RHOBTB1: variants seen among roughly 807,000 people sequenced by gnomAD.
RHOBTB1 encodes the protein rho-related BTB domain-containing protein 1.
Under a neutral mutation model 71.6 loss-of-function variants are expected in RHOBTB1, and 40 were observed. That is an observed-to-expected ratio of 0.56 (90% CI 0.43 to 0.73). RHOBTB1 has a LOEUF of 0.73. Among genes scored for constraint, RHOBTB1 ranks in the 30% least tolerant of loss-of-function variants. The pLI is 0.00. For synonymous variants in RHOBTB1, 319 were observed against 334.9 expected (o/e 0.95, Z 0.52); for missense variants, 797 against 894.0 (o/e 0.89, Z 1.38).
intron 2 of RHOBTB1, among the ~76,000 whole-genome samples, chr10:60,938,024 A>G (rs2084689109): frequency 6.6e-6 from 1 of 152,216 alleles, no homozygotes; most frequent in South Asian, 2.1e-4. Context: ...AGTTAATGAA[A>G]TGCCAGAGTT....
chr10:60,924,245 A>G (rs2083733620), intron 2 of RHOBTB1, among the ~76,000 whole-genome samples: 1 of 135,222 alleles, frequency 7.4e-6, no homozygotes, highest in African/African-American at 3.3e-5. Flanking sequence ...GAATGACTAT[A>G]AATTTCACCA....
intron 8 of RHOBTB1, among the ~76,000 whole-genome samples, chr10:60,876,223 A>G (rs1269224229): frequency 6.6e-6 from 1 of 152,206 alleles, no homozygotes; most frequent in Non-Finnish European, 1.5e-5. Flanking sequence ...TGATTTTTAA[A>G]CACCATGTTC....
chr10:60,981,195 C>T (rs1374861954), intron 2 of RHOBTB1, among the ~76,000 whole-genome samples: 1 of 152,086 alleles, frequency 6.6e-6, no homozygotes, highest in Non-Finnish European at 1.5e-5. Context: ...AAGTACTTAA[C>T]ATCATAGTTA....
At chr10:60,919,256 TAC>T (rs2083429848) in intron 2 of RHOBTB1, among the ~76,000 whole-genome samples, 1 of 152,184 alleles carries the variant, frequency 6.6e-6, no homozygotes, top group African/African-American at 2.4e-5. Context: ...CATTAAAAAA[TAC>T]TAGTGCAACA....
At chr10:60,900,944 T>A (rs1425513307) in intron 4 of RHOBTB1, among the ~76,000 whole-genome samples, 1 of 152,172 alleles carries the variant, frequency 6.6e-6, no homozygotes, top group Non-Finnish European at 1.5e-5. Flanking sequence ...AACATCAGAA[T>A]AATAATGCAT....
intron 1 of RHOBTB1, among the ~76,000 whole-genome samples, chr10:60,942,913 C>T (rs1381261303): frequency 6.6e-6 from 1 of 151,310 alleles, no homozygotes; most frequent in Non-Finnish European, 1.5e-5. Context: ...ACCACCGCAG[C>T]GGTTGGGGGT....
intron 2 of RHOBTB1, among the ~76,000 whole-genome samples, chr10:60,968,416 A>G (rs2086045230): frequency 6.6e-6 from 1 of 152,130 alleles, no homozygotes; most frequent in African/African-American, 2.4e-5. Context: ...GAGCACCAAA[A>G]TAACAAGTTT....
At chr10:60,997,026 G>C (rs997164223) in intron 1 of RHOBTB1, among the ~76,000 whole-genome samples, 11 of 150,736 alleles carry the variant, frequency 7.3e-5, no homozygotes, top group African/African-American at 9.8e-5. Context: ...TGCTTGATTT[G>C]AGCCAATATC....
chr10:60,985,275 G>A (rs896452890), intron 2 of RHOBTB1, among the ~76,000 whole-genome samples: 2 of 152,118 alleles, frequency 1.3e-5, no homozygotes, highest in Non-Finnish European at 2.9e-5. Context: ...CGTTTTTTAG[G>A]CACAATACTC....
intron 7 of RHOBTB1, among the ~76,000 whole-genome samples, chr10:60,884,552 C>CT: frequency 6.6e-6 from 1 of 152,292 alleles, no homozygotes; most frequent in South Asian, 2.1e-4. Flanking sequence ...AACTGTAGCA[C>CT]TATTCACAAT....
chr10:60,998,206 T>A (rs1470258678), intron 1 of RHOBTB1, among the ~76,000 whole-genome samples: 1 of 152,218 alleles, frequency 6.6e-6, no homozygotes, highest in Non-Finnish European at 1.5e-5. Flanking sequence ...TCTCTAACAC[T>A]ATAAGATCAA....
At chr10:61,001,748 G>A (rs2135087666), upstream of RHOBTB1, among the ~76,000 whole-genome samples, 1 of 152,320 alleles carries the variant, frequency 6.6e-6, no homozygotes, top group Non-Finnish European at 1.5e-5. Flanking sequence ...GGCGCGTGGG[G>A]CTCCTACTGG....
At chr10:60,906,349 A>C (rs1468506057) in intron 4 of RHOBTB1, among the ~76,000 whole-genome samples, 1 of 152,236 alleles carries the variant, frequency 6.6e-6, no homozygotes, top group East Asian at 1.9e-4. Flanking sequence ...TAAAGAATTT[A>C]AGAGGAACAC....
chr10:60,992,436 T>C (rs945532941), intron 1 of RHOBTB1, among the ~76,000 whole-genome samples: 1 of 152,190 alleles, frequency 6.6e-6, no homozygotes, highest in African/African-American at 2.4e-5. Flanking sequence ...ACAGACATGC[T>C]GGAGGGGACA....
At chr10:60,994,642 T>A (rs1035393703) in intron 1 of RHOBTB1, among the ~76,000 whole-genome samples, 2 of 152,168 alleles carry the variant, frequency 1.3e-5, no homozygotes, top group African/African-American at 4.8e-5. Flanking sequence ...AAAAATGCAA[T>A]GCATTTTATT....
intron 2 of RHOBTB1, among the ~76,000 whole-genome samples, chr10:60,932,446 C>A (rs1243732080): frequency 4.3e-5 from 6 of 140,382 alleles, no homozygotes; most frequent in African/African-American, 1.6e-4. Flanking sequence ...TGCAAAAAGT[C>A]ATCAAGCTGT....
chr10:60,914,349 G>A (rs1179928437), intron 2 of RHOBTB1, among the ~76,000 whole-genome samples: 1 of 152,144 alleles, frequency 6.6e-6, no homozygotes, highest in African/African-American at 2.4e-5. Context: ...TTAGCATGGG[G>A]TAGTAGCCTG....
chr10:60,979,180 A>G (rs2086413109), intron 2 of RHOBTB1, among the ~76,000 whole-genome samples: 1 of 152,088 alleles, frequency 6.6e-6, no homozygotes, highest in Non-Finnish European at 1.5e-5. Flanking sequence ...TTGTTTTTTT[A>G]TTTAATTGCT....
intron 2 of RHOBTB1, among the ~76,000 whole-genome samples, chr10:60,922,206 A>G (rs2083605655): frequency 6.6e-6 from 1 of 152,166 alleles, no homozygotes; most frequent in African/African-American, 2.4e-5. Context: ...AAGAAAGGAA[A>G]AAAGGGAGGC....
Sources: allele counts gnomAD v4.1 joint callset (sites outside exome capture counted in the v4.1 genomes callset), GRCh38; gene constraint gnomAD v4.1.1; transcripts MANE v1.5; gene names NCBI Gene and HGNC (gene_info 2026-07-23, HGNC 2026-07-21).